Variants in CNTN5 observed in about 807,000 individuals in gnomAD.
CNTN5 encodes the protein contactin-5.
CNTN5 carries 77 observed loss-of-function variants against 129.1 expected under a neutral mutation model. The ratio of observed to expected loss-of-function variants is 0.60; its 90% CI spans 0.50 to 0.72. The LOEUF (loss-of-function observed/expected upper bound fraction) is 0.72, where lower values mean the gene tolerates loss of function less well. Ranked by LOEUF, CNTN5 falls within the 30% of genes least tolerant of loss-of-function variation. The probability of loss-of-function intolerance (pLI) is 0.00; values close to 1 mark genes in which losing one functional copy is unlikely to be tolerated. For missense variants in CNTN5, 1,478 were observed against 1,328.8 expected (o/e 1.11, Z -1.75); for synonymous variants, 509 against 465.6 (o/e 1.09, Z -1.20).
At chr11:99,851,484 C>T (rs1947872037) in intron 6 of CNTN5, among the ~76,000 whole-genome samples, 1 of 152,182 alleles carries the variant, frequency 6.6e-6, no homozygotes, top group Admixed American at 6.5e-5. Flanking sequence ...TTGTCACTCT[C>T]ACACTTTGCA....
intron 2 of CNTN5, among the ~76,000 whole-genome samples, chr11:99,374,143 A>C (rs1940008072): frequency 6.6e-6 from 1 of 152,244 alleles, no homozygotes; most frequent in Admixed American, 6.5e-5. Flanking sequence ...AATTGAATTT[A>C]ATAGACTCTA....
At chr11:99,090,983 C>A (rs1866223258) in intron 1 of CNTN5, among the ~76,000 whole-genome samples, 1 of 134,516 alleles carries the variant, frequency 7.4e-6, no homozygotes, top group Admixed American at 8.3e-5. Flanking sequence ...GATCGTGCCA[C>A]TGCACTCCAG....
intron 18 of CNTN5, among the ~76,000 whole-genome samples, chr11:100,284,923 T>A (rs1388233144): frequency 6.6e-6 from 1 of 152,196 alleles, no homozygotes; most frequent in African/African-American, 2.4e-5. Context: ...TCAACCTGGA[T>A]TAACGTTCTA....
intron 9 of CNTN5, among the ~76,000 whole-genome samples, chr11:100,035,991 T>G (rs1345841001): frequency 6.6e-6 from 1 of 152,194 alleles, no homozygotes; most frequent in East Asian, 1.9e-4. Context: ...ATATGTCAAT[T>G]TTGGCTTTTG....
chr11:99,868,019 A>G (rs1436146735), intron 6 of CNTN5, among the ~76,000 whole-genome samples: 1 of 152,166 alleles, frequency 6.6e-6, no homozygotes, highest in East Asian at 1.9e-4. Flanking sequence ...GTTCGAGACC[A>G]GCCTGACCAA....
At chr11:99,737,339 A>C (rs1437990491) in intron 3 of CNTN5, among the ~76,000 whole-genome samples, 2 of 152,190 alleles carry the variant, frequency 1.3e-5, no homozygotes, top group Non-Finnish European at 2.9e-5. Context: ...ACGTTCTTAT[A>C]GTCCAAGGTG....
chr11:100,301,460 G>A (rs546847677), intron 20 of CNTN5, among the ~76,000 whole-genome samples: 1 of 151,528 alleles, frequency 6.6e-6, no homozygotes, highest in East Asian at 1.9e-4. Flanking sequence ...AGACACTGAG[G>A]TTATTCCTGT....
At chr11:100,100,616 A>G (rs1945186692) in intron 13 of CNTN5, among the ~76,000 whole-genome samples, 1 of 152,136 alleles carries the variant, frequency 6.6e-6, no homozygotes, top group African/African-American at 2.4e-5. Context: ...ACCTTTGTTT[A>G]TGTGATTGAT....
intron 3 of CNTN5, among the ~76,000 whole-genome samples, chr11:99,743,235 C>G (rs1165437028): frequency 6.6e-6 from 1 of 152,152 alleles, no homozygotes; most frequent in Non-Finnish European, 1.5e-5. Context: ...TATGCATACA[C>G]AAATAACAAG....
intron 3 of CNTN5, among the ~76,000 whole-genome samples, chr11:99,691,167 G>T (rs1035136517): frequency 6.6e-6 from 1 of 150,636 alleles, no homozygotes; most frequent in African/African-American, 2.4e-5. Flanking sequence ...AGTCTAGCTT[G>T]CAGTCTATCT....
intron 1 of CNTN5, among the ~76,000 whole-genome samples, chr11:99,193,636 C>T (rs762879774): frequency 7.9e-5 from 12 of 152,304 alleles, no homozygotes; most frequent in Middle Eastern, 3.4e-3. Flanking sequence ...AACCCTTATA[C>T]TATACACAGG....
At chr11:99,859,148 T>C (rs1297169922) in intron 6 of CNTN5, among the ~76,000 whole-genome samples, 3 of 152,216 alleles carry the variant, frequency 2.0e-5, no homozygotes, top group Admixed American at 6.5e-5. Context: ...ATGCATGTGA[T>C]TGATCTCTAA....
At chr11:100,058,666 A>T (rs11602750) in intron 9 of CNTN5, among the ~76,000 whole-genome samples, 14,713 of 152,200 alleles carry the variant, frequency 0.097, 792 homozygotes, top group Middle Eastern at 0.25. Flanking sequence ...ATTCCTAAGG[A>T]ATAAAGCAGA....
At chr11:100,146,228 T>G (rs1946848120) in intron 13 of CNTN5, among the ~76,000 whole-genome samples, 1 of 152,188 alleles carries the variant, frequency 6.6e-6, no homozygotes, top group Non-Finnish European at 1.5e-5. Context: ...TTTTCTCATC[T>G]AAATAGTGTT....
chr11:99,641,501 A>G (rs916486326), intron 3 of CNTN5, among the ~76,000 whole-genome samples: 2 of 152,170 alleles, frequency 1.3e-5, no homozygotes, highest in Non-Finnish European at 1.5e-5. Context: ...GAGGAGACGT[A>G]GGAGGGCATG....
chr11:99,263,895 T>C (rs974616173), intron 1 of CNTN5, among the ~76,000 whole-genome samples: 2 of 152,114 alleles, frequency 1.3e-5, no homozygotes, highest in Admixed American at 6.6e-5. Flanking sequence ...ACTACTCTAG[T>C]TGTTACCCGA....
intron 3 of CNTN5, among the ~76,000 whole-genome samples, chr11:99,613,586 GAAGA>G (rs1268617632): frequency 6.6e-6 from 1 of 152,154 alleles, no homozygotes; most frequent in Non-Finnish European, 1.5e-5. Flanking sequence ...GCAGGGATAA[GAAGA>G]GAGAGAAAAA....
In CNTN5 at chr11:99,316,789, C is replaced by T. The variant is rs552236654; in HGVS notation, c.-209-8557C>T. Among the ~76,000 whole-genome samples, 8 of 151,694 alleles carry T rather than the reference C, an allele frequency of 5.3e-5. No homozygotes were observed. The South Asian group carries it at 1.3e-3, about 24-fold the overall frequency. ...CATTGAAGTGAAGCAAATCTCTCTGCTTTAATTAAGAGCAATCGGAGGAAA... is the reference window on the plus strand; with the variant it reads ...CATTGAAGTGAAGCAAATCTCTCTGTTTTAATTAAGAGCAATCGGAGGAAA... On this transcript the variant is annotated intron_variant, in intron 1 of 24. Transcript: ENST00000524871.
At chr11:99,970,094 T>C (rs1166191423) in intron 8 of CNTN5, among the ~76,000 whole-genome samples, 1 of 152,200 alleles carries the variant, frequency 6.6e-6, no homozygotes, top group Non-Finnish European at 1.5e-5. Flanking sequence ...CCATAGGTTC[T>C]GCAAGCACTG....
Sources: allele counts gnomAD v4.1 joint callset (sites outside exome capture counted in the v4.1 genomes callset), GRCh38; gene constraint gnomAD v4.1.1; transcripts MANE v1.5; gene names NCBI Gene and HGNC (gene_info 2026-07-23, HGNC 2026-07-21).